Variants in NRBF2 observed in about 807,000 individuals in gnomAD.
NRBF2 encodes the protein nuclear receptor binding factor 2.
In NRBF2, 12 loss-of-function variants were observed where a neutral mutation model predicts 28.5. The observed-to-expected ratio is 0.42, with a 90% CI of 0.27 to 0.68. NRBF2 has a LOEUF of 0.68. Among genes scored for constraint, NRBF2 ranks in the 30% least tolerant of loss-of-function variants. The pLI is 0.24. For synonymous variants in NRBF2, 102 were observed against 116.5 expected (o/e 0.88, Z 0.80); for missense variants, 274 against 333.5 (o/e 0.82, Z 1.39).
chr10:63,153,651 G>C lies in NRBF2; in HGVS notation c.297G>C (p.Gln99His). The C allele has an allele frequency of 6.2e-7, 1 of 1,611,924 alleles. No individual in the cohort carries two copies. ...NTDKDAAAHL[Q>H]TSHKPSAEDA... is the part of the protein sequence containing the mutation. The stretch of plus-strand genomic sequence containing the variant: ...ACAAGGATGCAGCTGCCCATCTTCA[G>C]ACATCTCACAAACCCTCTGCAGAGG... The change falls in exon 4 of 4, where the codon CAG becomes CAC. Residue 99 changes from glutamine (Q) to histidine (H), a missense_variant. Physicochemically the swap from Gln to His is conservative, Grantham distance 24. Transcript: ENST00000277746.
Position 63,154,002 on chromosome 10 carries a change from T to G in NRBF2, c.648T>G (p.Asp216Glu). The change falls in exon 4 of 4, where the codon GAT becomes GAG. Residue 216 changes from aspartate to glutamate, a missense_variant. Coordinates refer to ENST00000277746, the MANE Select transcript of NRBF2 (RefSeq NM_030759.5). ...AAGGTCCAATAGAAAAGGAGCTGGA[T>G]GTAGATGCTGATTTTGTAGAAACGT... is the stretch of plus-strand genomic sequence containing the variant. ...LLKGPIEKEL[D>E]VDADFVETSE... The G allele has an allele frequency of 1.9e-6, 3 of 1,611,912 alleles. No individual in the cohort carries two copies. The highest frequency in any genetic ancestry group is 2.5e-6 in the Non-Finnish European group (3 of 1,179,798).
At chr10:63,149,942 ATTT>A (rs60700597) in intron 2 of NRBF2, among the ~76,000 whole-genome samples, 28 of 133,318 alleles carry the variant, frequency 2.1e-4, no homozygotes, top group Non-Finnish European at 2.3e-4. Context: ...GTCTCCACAG[ATTT>A]TTTTTTTTTT....
At chr10:63,149,403 C>G (rs533946534) in intron 2 of NRBF2, among the ~76,000 whole-genome samples, 92 of 152,150 alleles carry the variant, frequency 6.0e-4, no homozygotes, top group Non-Finnish European at 1.0e-3. Context: ...TTCAGATTTC[C>G]TTAGTTCCTT....
In NRBF2 at chr10:63,147,636, T is replaced by G. The variant is rs1841583814; in HGVS notation, c.115+1343T>G. Among the ~76,000 whole-genome samples the G allele has an allele frequency of 1.3e-5, 2 of 149,650 alleles. 1 individual carries two copies. The highest frequency in any genetic ancestry group is 4.2e-4 in the South Asian group (2 of 4,706). ...CTTTTTTTTTTTTTTTTTTAAGTTC[T>G]GGGGTACATGTGTAGAATGTGCATG... On this transcript the variant is annotated intron_variant, in intron 2 of 3. Coordinates refer to ENST00000277746, the MANE Select transcript of NRBF2 (RefSeq NM_030759.5).
At chr10:63,146,442 T>A in intron 2 of NRBF2, 149 bp downstream of exon 2, 1 of 576,648 alleles carries the variant, frequency 1.7e-6, no homozygotes, top group Non-Finnish European at 3.0e-6. Context: ...TGTGTTGGAT[T>A]TCCCAGCTCC....
chr10:63,142,302 G>GTTTTT (rs141743950), intron 1 of NRBF2, among the ~76,000 whole-genome samples: 1 of 133,204 alleles, frequency 7.5e-6, no homozygotes, highest in Non-Finnish European at 1.7e-5. Flanking sequence ...TGTTTTTTTT[G>GTTTTT]TTTTTTTTGT....
chr10:63,152,268 G>A, intron 3 of NRBF2, 78 bp downstream of exon 3: 2 of 1,079,986 alleles, frequency 1.9e-6, no homozygotes. Flanking sequence ...GTAAAGCAAA[G>A]CATTGTGTCC....
At chr10:63,142,351 TG>T (rs1841486747) in intron 1 of NRBF2, among the ~76,000 whole-genome samples, 1 of 149,810 alleles carries the variant, frequency 6.7e-6, no homozygotes, top group African/African-American at 2.4e-5. Context: ...TTGCCCAGGC[TG>T]GAGTGCAATG....
chr10:63,144,726 T>C (rs1445029680), intron 1 of NRBF2, among the ~76,000 whole-genome samples: 1 of 152,152 alleles, frequency 6.6e-6, no homozygotes, highest in African/African-American at 2.4e-5. Context: ...AGAATTACCT[T>C]ACTTTTAAAG....
intron 1 of NRBF2, among the ~76,000 whole-genome samples, chr10:63,135,647 C>CTTTT (rs763603312): frequency 3.1e-5 from 4 of 129,456 alleles, no homozygotes; most frequent in Non-Finnish European, 3.4e-5. Context: ...ATCTTGAATT[C>CTTTT]TTTTTTTTTT....
At chr10:63,147,395 C>A (rs1589020238) in intron 2 of NRBF2, among the ~76,000 whole-genome samples, 2 of 151,832 alleles carry the variant, frequency 1.3e-5, no homozygotes, top group African/African-American at 4.8e-5. Flanking sequence ...TCTCAGCTCA[C>A]TGCAACTTCC....
intron 1 of NRBF2, among the ~76,000 whole-genome samples, chr10:63,136,737 A>G (rs1841385354): frequency 6.6e-6 from 1 of 152,224 alleles, no homozygotes; most frequent in African/African-American, 2.4e-5. Flanking sequence ...TATGGTTCTC[A>G]TCTATATTGA....
rs774548775 is a variant in NRBF2 at position 63,133,520 on chromosome 10, T to TA, written c.30+21dup. 3.0e-5 allele frequency: 48 copies of TA among 1,580,668 alleles called. No homozygotes were observed. In the Admixed American group the frequency reaches 7.7e-4, roughly 25 times the overall value. ...AACCTGGTGAGTGTCCCACAGAATA[T>TA]AGCGTTCGTCTTGGGTGCCTTTGCC... On this transcript the variant is annotated intron_variant, in intron 1 of 3. Transcript: ENST00000277746.
chr10:63,134,663 A>C (rs1490839580), intron 1 of NRBF2, among the ~76,000 whole-genome samples: 1 of 152,266 alleles, frequency 6.6e-6, no homozygotes, highest in Non-Finnish European at 1.5e-5. Flanking sequence ...TACTAAGTAC[A>C]TAGTACAGTG....
At chr10:63,153,423 T>G in intron 3 of NRBF2, 88 bp from the exon 4 acceptor site, 1 of 1,017,032 alleles carries the variant, frequency 9.8e-7, no homozygotes, top group African/African-American at 1.6e-5. Context: ...TGTTGGGTTA[T>G]TCACAAAGGA....
In NRBF2 at chr10:63,133,513, CAGAATAT is replaced by C; in HGVS notation, c.30+16_30+22del. On this transcript the variant is annotated intron_variant, in intron 1 of 3. Coordinates refer to ENST00000277746, the MANE Select transcript of NRBF2 (RefSeq NM_030759.5). ...ACCCCTCAACCTGGTGAGTGTCCCA[CAGAATAT>C]AGCGTTCGTCTTGGGTGCCTTTGCC... 6 of 1,593,634 alleles carry C rather than the reference CAGAATAT, an allele frequency of 3.8e-6. 1 individual carries two copies. In the Admixed American group the frequency reaches 1.0e-4, roughly 27 times the overall value.
At chr10:63,142,039 T>G (rs892674698) in intron 1 of NRBF2, among the ~76,000 whole-genome samples, 5 of 152,068 alleles carry the variant, frequency 3.3e-5, no homozygotes, top group Non-Finnish European at 7.4e-5. Context: ...TTTATTTTTT[T>G]GGTGTTCAAT....
chr10:63,151,152 A>G (rs370477523), intron 2 of NRBF2, among the ~76,000 whole-genome samples: 6 of 152,214 alleles, frequency 3.9e-5, no homozygotes, highest in Non-Finnish European at 7.3e-5. Flanking sequence ...TATGACATCA[A>G]AGCATTAAAT....
chr10:63,151,347 G>T lies in NRBF2; in HGVS notation c.116-803G>T, dbSNP rs115376530. Among the ~76,000 whole-genome samples the T allele has an allele frequency of 4.6e-3, 701 of 152,170 alleles. 9 individuals carry two copies. Among genetic ancestry groups the T allele is most frequent in the African/African-American group, 0.016 (667 of 41,504 alleles). On this transcript the variant is annotated intron_variant, in intron 2 of 3. Transcript: ENST00000277746. ...TTTATACCTAACCTTGTTCCCGAAAGGTTATAAAATGTCTTACAGATGAAT... is the reference window on the plus strand; with the variant it reads ...TTTATACCTAACCTTGTTCCCGAAATGTTATAAAATGTCTTACAGATGAAT...
Sources: allele counts gnomAD v4.1 joint callset (sites outside exome capture counted in the v4.1 genomes callset), GRCh38; gene constraint gnomAD v4.1.1; transcripts MANE v1.5; gene names NCBI Gene and HGNC (gene_info 2026-07-23, HGNC 2026-07-21).